LRP1B: variants seen among roughly 807,000 people sequenced by gnomAD.
LRP1B encodes the protein LDL receptor related protein 1B, also known as low-density lipoprotein receptor-related protein 1B.
LRP1B carries 217 observed loss-of-function variants against 556.6 expected under a neutral mutation model. That is an observed-to-expected ratio of 0.39 (90% CI 0.35 to 0.44). LRP1B has a LOEUF of 0.44. LRP1B is among the 20% of genes least tolerant of loss of function. The pLI is 1.00. For synonymous variants in LRP1B, 2,047 were observed against 1,865.8 expected (o/e 1.10, Z -2.50); for missense variants, 5,053 against 5,620.8 (o/e 0.90, Z 3.23).
intron 1 of LRP1B, among the ~76,000 whole-genome samples, chr2:142,009,748 A>G (rs1256157334): frequency 2.6e-5 from 4 of 152,134 alleles, no homozygotes; most frequent in Admixed American, 6.6e-5. Flanking sequence ...TGTGTATTTT[A>G]TGTGAATTGT....
intron 7 of LRP1B, among the ~76,000 whole-genome samples, chr2:141,064,151 G>A (rs1699415587): frequency 6.6e-6 from 1 of 151,890 alleles, no homozygotes; most frequent in African/African-American, 2.4e-5. Context: ...CAGTAACACA[G>A]ATGTTCACAG....
intron 1 of LRP1B, among the ~76,000 whole-genome samples, chr2:141,865,608 GA>G (rs369023076): frequency 4.3e-4 from 55 of 126,972 alleles, no homozygotes; most frequent in Admixed American, 1.9e-3. Flanking sequence ...AAAAAAAAAA[GA>G]AAAAAAAAAA....
At chr2:140,469,024 G>T (rs1687661478) in intron 60 of LRP1B, among the ~76,000 whole-genome samples, 1 of 152,248 alleles carries the variant, frequency 6.6e-6, no homozygotes, top group South Asian at 2.1e-4. Flanking sequence ...ATAGACTTTT[G>T]AGTTAGTGTT....
At chr2:141,692,205 A>G (rs1478627039) in intron 2 of LRP1B, among the ~76,000 whole-genome samples, 1 of 151,946 alleles carries the variant, frequency 6.6e-6, no homozygotes, top group African/African-American at 2.4e-5. Flanking sequence ...TGATAAATTC[A>G]CTCCTCTACA....
chr2:141,584,991 A>G (rs1687087956), intron 2 of LRP1B, among the ~76,000 whole-genome samples: 1 of 152,114 alleles, frequency 6.6e-6, no homozygotes, highest in Non-Finnish European at 1.5e-5. Flanking sequence ...AAATGTGAAT[A>G]TATTTAACAC....
chr2:141,330,747 CTTTTTT>C (rs530844983), intron 3 of LRP1B, among the ~76,000 whole-genome samples: 5 of 107,850 alleles, frequency 4.6e-5, no homozygotes, highest in Non-Finnish European at 5.6e-5. Flanking sequence ...GGCTAACAAA[CTTTTTT>C]TTTTTTTTTT....
intron 3 of LRP1B, among the ~76,000 whole-genome samples, chr2:141,268,337 C>G (rs185132162): frequency 6.6e-6 from 1 of 152,196 alleles, no homozygotes; most frequent in East Asian, 1.9e-4. Flanking sequence ...AGCAAAAAAG[C>G]AGTACATTAG....
intron 1 of LRP1B, among the ~76,000 whole-genome samples, chr2:142,067,158 C>T (rs1186054124): frequency 1.3e-5 from 2 of 151,422 alleles, no homozygotes; most frequent in Non-Finnish European, 3.0e-5. Context: ...CTTTAAAGGA[C>T]ATTTTTTATT....
chr2:140,745,641 C>T (rs1199503418), intron 35 of LRP1B, among the ~76,000 whole-genome samples: 4 of 151,918 alleles, frequency 2.6e-5, no homozygotes, highest in Non-Finnish European at 5.9e-5. Flanking sequence ...TTTTGTGTTC[C>T]ATCAAATTTG....
At chr2:140,874,080 C>T (rs976027607) in intron 25 of LRP1B, among the ~76,000 whole-genome samples, 25 of 151,814 alleles carry the variant, frequency 1.6e-4, no homozygotes, top group African/African-American at 6.0e-4. Flanking sequence ...CCAAGCATGA[C>T]ATGAATGATC....
At chr2:141,617,968 T>C (rs1048375837) in intron 2 of LRP1B, among the ~76,000 whole-genome samples, 1 of 152,164 alleles carries the variant, frequency 6.6e-6, no homozygotes, top group African/African-American at 2.4e-5. Flanking sequence ...CTAGGCTATT[T>C]TTCAAGAAGG....
chr2:141,236,046 T>G (rs1265266645), intron 5 of LRP1B, among the ~76,000 whole-genome samples: 3 of 152,020 alleles, frequency 2.0e-5, no homozygotes, highest in Non-Finnish European at 4.4e-5. Flanking sequence ...AAAAATAATA[T>G]GTAAGATATT....
chr2:140,994,531 C>T (rs553155296), intron 15 of LRP1B, among the ~76,000 whole-genome samples: 1 of 151,750 alleles, frequency 6.6e-6, no homozygotes, highest in African/African-American at 2.4e-5. Context: ...AATAAGTCTA[C>T]AAATCCAACA....
rs1428464571 is a variant in LRP1B, at chr2:140,950,397, C to T, written c.2974G>A (p.Asp992Asn). 3.1e-6 allele frequency: 5 copies of T among 1,593,920 alleles called. No homozygotes were observed. Among genetic ancestry groups the T allele is most frequent in the East Asian group, 2.3e-5 (1 of 44,236 alleles). ...SSKWHCDSDD[D>N]CGDGSDEVGC... is the part of the protein sequence containing the mutation. ...ACCTCATCACTCCCGTCCCCACAGT[C>T]GTCATCTGGAAAGAAACATCAACAT... The change falls in exon 20 of 91, where the codon GAC (aspartate) becomes AAC (asparagine). Residue 992 changes from aspartate (D) to asparagine (N), a missense_variant. Physicochemically the swap from Asp to Asn is conservative, Grantham distance 23 (BLOSUM62 1). Around this residue, in one of 5 missense-constraint regions of LRP1B, gnomAD observed 3,619 missense variants for 3,931.9 expected, o/e 0.92. Transcript: ENST00000389484.
chr2:141,899,790 C>A (rs1349838571), intron 1 of LRP1B, among the ~76,000 whole-genome samples: 1 of 152,046 alleles, frequency 6.6e-6, no homozygotes, highest in African/African-American at 2.4e-5. Context: ...CACTGCACCT[C>A]AGAAATGGAT....
At chr2:141,107,822 A>C (rs761185787) in intron 7 of LRP1B, among the ~76,000 whole-genome samples, 1 of 152,186 alleles carries the variant, frequency 6.6e-6, no homozygotes, top group Non-Finnish European at 1.5e-5. Context: ...TGATATGATC[A>C]CAGTTTTATT....
intron 1 of LRP1B, among the ~76,000 whole-genome samples, chr2:141,994,147 T>G (rs1702421783): frequency 6.6e-6 from 1 of 152,202 alleles, no homozygotes; most frequent in Non-Finnish European, 1.5e-5. Context: ...AATGTGCCTG[T>G]TCAGAGATCA....
At chr2:141,574,204 C>T (rs952294131) in intron 2 of LRP1B, among the ~76,000 whole-genome samples, 1 of 152,124 alleles carries the variant, frequency 6.6e-6, no homozygotes, top group African/African-American at 2.4e-5. Flanking sequence ...CAATAAAACA[C>T]TGCAAACCGA....
At chr2:140,416,333 T>A (rs553239437) in intron 66 of LRP1B, among the ~76,000 whole-genome samples, 1 of 152,148 alleles carries the variant, frequency 6.6e-6, no homozygotes, top group Non-Finnish European at 1.5e-5. Context: ...TAGCAGATAA[T>A]AAATCAATTG....
Sources: gnomAD v4.1 joint callset for allele counts (sites outside exome capture counted in the v4.1 genomes callset) on GRCh38, gnomAD v4.1.1 for gene constraint, gnomAD v4.1.1 regional missense constraint, MANE v1.5 for transcripts, NCBI Gene and HGNC (gene_info 2026-07-23, HGNC 2026-07-21) for gene names.